Variants in PIWIL1 observed in about 807,000 individuals in gnomAD.
PIWIL1 encodes piwi-like protein 1.
PIWIL1 carries 73 observed loss-of-function variants against 114.4 expected under a neutral mutation model. That is an observed-to-expected ratio of 0.64 (90% CI 0.53 to 0.78). PIWIL1 has a LOEUF of 0.78. Ranked by LOEUF, PIWIL1 falls within the 30% of genes least tolerant of loss-of-function variation. The pLI is 0.00. For missense variants in PIWIL1, 723 were observed against 1,063.1 expected (o/e 0.68, Z 4.45); for synonymous variants, 375 against 369.0 (o/e 1.02, Z -0.19).
the PIWIL1 span, among the ~76,000 whole-genome samples, chr12:130,378,331 C>T: frequency 5.9e-5 from 9 of 152,252 alleles, no homozygotes; most frequent in South Asian, 1.7e-3. Flanking sequence ...GGGTGGTATT[C>T]GACCGCGTGA....
At chr12:130,409,057 G>T in the PIWIL1 span, among the ~76,000 whole-genome samples, 3 of 152,152 alleles carry the variant, frequency 2.0e-5, no homozygotes, top group Non-Finnish European at 2.9e-5. Context: ...ATGTTACAGG[G>T]AATGTTACAA....
Position 130,349,328 on chromosome 12 carries a change from G to A in PIWIL1, c.824G>A (p.Arg275Gln), listed in dbSNP as rs771090876. The A allele has an allele frequency of 2.5e-6, 4 of 1,613,724 alleles. No homozygotes were observed. The highest frequency in any genetic ancestry group is 2.2e-5 in the East Asian group (1 of 44,884). Reference sequence around the variant, plus strand: ...ACTGACGTTAGCCATAAAGTCCTTCGAAGTGAGACTGTTTTGGATTTCATG... The same window carrying A: ...ACTGACGTTAGCCATAAAGTCCTTCAAAGTGAGACTGTTTTGGATTTCATG... ...LCTDVSHKVL[R>Q]SETVLDFMFN... The change falls in exon 8 of 21, where the codon CGA becomes CAA. Residue 275 changes from arginine to glutamine, a missense_variant. Around this residue, in one of 8 missense-constraint regions of PIWIL1, gnomAD observed 190 missense variants for 294.4 expected, o/e 0.65. Transcript: ENST00000245255.
At chr12:130,384,462 C>A in the PIWIL1 span, among the ~76,000 whole-genome samples, 1 of 152,188 alleles carries the variant, frequency 6.6e-6, no homozygotes, top group Non-Finnish European at 1.5e-5. Context: ...CGCTGAGTAC[C>A]AGCACATAGG....
At chr12:130,381,033 C>T in the PIWIL1 span, among the ~76,000 whole-genome samples, 1 of 152,082 alleles carries the variant, frequency 6.6e-6, no homozygotes, top group Non-Finnish European at 1.5e-5. Flanking sequence ...CACACAGGCC[C>T]AGCCTCCCCC....
the PIWIL1 span, chr12:130,414,390 T>C: frequency 6.5e-3 from 8,860 of 1,360,208 alleles, 720 homozygotes; most frequent in East Asian, 0.18. Flanking sequence ...TGGAAAGCAG[T>C]GAGGATGGCA....
intron 1 of PIWIL1, chr12:130,342,155 CGTGTGTGTGT>C (rs56124149): frequency 1.9e-3 from 261 of 134,982 alleles, no homozygotes; most frequent in Non-Finnish European, 3.2e-3. Flanking sequence ...TGCCTGTTTC[CGTGTGTGTGT>C]GTGTGTGTGT....
the PIWIL1 span, chr12:130,396,818 A>G: frequency 0.94 from 143,042 of 152,704 alleles, 67,117 homozygotes; most frequent in Non-Finnish European, 0.96. Flanking sequence ...ACTTGATCTC[A>G]AACCACTGTG....
chr12:130,354,923 A>T lies in PIWIL1; in HGVS notation c.1207A>T (p.Met403Leu). 1 of 1,613,838 alleles carries T rather than the reference A, an allele frequency of 6.2e-7. No homozygotes were observed. Among genetic ancestry groups the T allele is most frequent in the Non-Finnish European group, 8.5e-7 (1 of 1,179,722 alleles). The change falls in exon 11 of 21, where the codon ATG (methionine) becomes TTG (leucine). Residue 403 changes from methionine to leucine, a missense_variant. By Grantham distance (15) the Met-to-Leu change is conservative. Coordinates refer to ENST00000245255, the MANE Select transcript of PIWIL1 (RefSeq NM_004764.5). ...TDKMRNDFNV[M>L]KDLAVHTRLT... ...TAAAATGCGTAATGATTTTAACGTG[A>T]TGAAAGACTTAGCCGTTCATACAAG...
chr12:130,349,557 G>A (rs775611049), intron 8 of PIWIL1, 121 bp downstream of exon 8: 74 of 694,364 alleles, frequency 1.1e-4, no homozygotes, highest in Non-Finnish European at 1.6e-4. Context: ...ACAAAACAAG[G>A]GTGAGGGTAT....
In PIWIL1 at chr12:130,346,467, A is replaced by G; in HGVS notation, c.414A>G (p.Pro138=). The change falls in exon 5 of 21, where the codon CCA becomes CCG. Residue 138 remains proline, a synonymous_variant. Transcript: ENST00000245255. ...ALYQYHIDYN[P]LMEARRLRSA... ...ATCAGTATCACATTGACTATAACCC[A>G]CTGATGGAAGCCAGAAGACTCCGTT... is the stretch of plus-strand genomic sequence containing the variant. The G allele has an allele frequency of 1.2e-6, 2 of 1,613,980 alleles. No homozygotes were observed. Among genetic ancestry groups the G allele is most frequent in the African/African-American group, 1.3e-5 (1 of 75,052 alleles).
chr12:130,363,806 C>T (rs1409058488), intron 18 of PIWIL1, among the ~76,000 whole-genome samples: 2 of 151,694 alleles, frequency 1.3e-5, no homozygotes, highest in Non-Finnish European at 2.9e-5. Flanking sequence ...TTAGTAGAGA[C>T]GGGGTTTCAC....
intron 1 of PIWIL1, chr12:130,342,332 A>G: frequency 2.0e-6 from 1 of 508,652 alleles, no homozygotes; most frequent in Non-Finnish European, 3.5e-6. Context: ...ATGAAAAACT[A>G]AGTCTTATAT....
chr12:130,352,442 G>A (rs879817565), intron 9 of PIWIL1, among the ~76,000 whole-genome samples: 3 of 152,202 alleles, frequency 2.0e-5, no homozygotes, highest in African/African-American at 7.2e-5. Context: ...ACTCTGGGAG[G>A]CCGAGGTGGG....
chr12:130,339,080 C>G (rs2072817908), intron 1 of PIWIL1, among the ~76,000 whole-genome samples: 1 of 152,074 alleles, frequency 6.6e-6, no homozygotes, highest in South Asian at 2.1e-4. Context: ...GGGCCCCTTC[C>G]CGCGTCCGCC....
chr12:130,349,505 C>A, intron 8 of PIWIL1, 69 bp downstream of exon 8: 2 of 1,046,428 alleles, frequency 1.9e-6, no homozygotes, highest in South Asian at 1.4e-5. Flanking sequence ...CTAGTTCTAC[C>A]ATGTTAAGAA....
chr12:130,404,188 T>C, the PIWIL1 span, among the ~76,000 whole-genome samples: 1 of 152,180 alleles, frequency 6.6e-6, no homozygotes, highest in East Asian at 1.9e-4. Flanking sequence ...AGAAAAATGA[T>C]TTGTGGGGGA....
chr12:130,357,902 C>T (rs1251211606), intron 14 of PIWIL1, among the ~76,000 whole-genome samples: 1 of 152,158 alleles, frequency 6.6e-6, no homozygotes, highest in African/African-American at 2.4e-5. Context: ...CGTATGATTG[C>T]GTAATTACAT....
the PIWIL1 span, chr12:130,414,590 G>C: frequency 3.7e-6 from 1 of 268,722 alleles, no homozygotes; most frequent in Non-Finnish European, 7.1e-6. Flanking sequence ...CTGGGGCAGG[G>C]GCTGCGGCCG....
the PIWIL1 span, among the ~76,000 whole-genome samples, chr12:130,389,402 C>T: frequency 1.3e-5 from 2 of 151,870 alleles, no homozygotes; most frequent in Non-Finnish European, 2.9e-5. Context: ...TTTTGTTAAA[C>T]TCTCTAGGCC....
Sources: gnomAD v4.1 joint callset for allele counts (sites outside exome capture counted in the v4.1 genomes callset) on GRCh38, gnomAD v4.1.1 for gene constraint, gnomAD v4.1.1 regional missense constraint, MANE v1.5 for transcripts, NCBI Gene and HGNC (gene_info 2026-07-23, HGNC 2026-07-21) for gene names.